The following SETD7 variants were observed in gnomAD, a reference collection of about 807,000 sequenced individuals.
SETD7 encodes histone-lysine N-methyltransferase SETD7.
SETD7 carries 16 observed loss-of-function variants against 41.8 expected under a neutral mutation model. The ratio of observed to expected loss-of-function variants is 0.38; its 90% CI spans 0.26 to 0.58. The LOEUF (loss-of-function observed/expected upper bound fraction) is 0.58, where lower values mean the gene tolerates loss of function less well. SETD7 is among the 20% of genes least tolerant of loss of function. The probability of loss-of-function intolerance (pLI) is 0.64; values close to 1 mark genes in which losing one functional copy is unlikely to be tolerated. For missense variants in SETD7, 346 were observed against 459.7 expected, an observed-to-expected ratio of 0.75 and a Z score of 2.26; for synonymous variants, 163 against 169.7, an observed-to-expected ratio of 0.96 and a Z score of 0.31.
rs34969738 is a variant in SETD7 at position 139,555,182 on chromosome 4, CAAAAAA to C, written c.40+910_40+915del. On this transcript the variant is annotated intron_variant, in intron 1 of 7. Transcript: ENST00000274031. This position sits in a 1 kb window ranked among gnomAD's most constrained non-coding sequence, Gnocchi z 4.0. ...CCCCACATCGTTTTTTCAGAACTAA[CAAAAAA>C]AAAAAAAAAAAGGTGGAGAAACTCA... 0.1 allele frequency among the ~76,000 whole-genome samples: 11,423 copies of C among 110,292 alleles called. 545 individuals carry two copies. The highest frequency in any genetic ancestry group is 0.21 in the South Asian group (734 of 3,484). The allele number at this position is 110,292 out of a possible 152,430, so 72.4% of individuals were successfully genotyped here.
chr4:139,546,783 TGCC>T, intron 2 of SETD7, 134 bp downstream of exon 2: 1 of 1,168,142 alleles, frequency 8.6e-7, no homozygotes, highest in East Asian at 2.5e-5. Flanking sequence ...ACCAAAGCAG[TGCC>T]TACAGGTAGG....
rs1726776135 is a variant in SETD7, at chr4:139,508,663, T to C, written c.*3000A>G. ...TGTTTTTCAGGAGAGCATAAAGTTA[T>C]TTCTTTATTCCCCACCACATGGAAT... On this transcript the variant is annotated 3_prime_UTR_variant, in exon 8 of 8. Coordinates refer to ENST00000274031, the MANE Select transcript of SETD7 (RefSeq NM_030648.4). 1 of 152,214 alleles carries C rather than the reference T, an allele frequency of 6.6e-6. No homozygotes were observed. Among genetic ancestry groups the C allele is most frequent in the African/African-American group, 2.4e-5 (1 of 41,440 alleles). 9.4% of individuals were successfully genotyped at this position (152,214 alleles called of 1,614,324 possible). A position where few individuals can be genotyped will look rare whatever the true frequency, so the allele number is the denominator to read the frequency against.
chr4:139,550,535 T>C (rs1345493112), intron 1 of SETD7, among the ~76,000 whole-genome samples: 2 of 152,212 alleles, frequency 1.3e-5, no homozygotes, highest in African/African-American at 4.8e-5. Flanking sequence ...AGTAGAACTT[T>C]ATGTCTAAAA....
intron 4 of SETD7, among the ~76,000 whole-genome samples, chr4:139,528,600 T>G (rs1407091708): frequency 6.6e-6 from 1 of 152,184 alleles, no homozygotes; most frequent in Non-Finnish European, 1.5e-5. Flanking sequence ...CTTTGACCAG[T>G]GAAAAGTGAG....
chr4:139,521,615 T>G (rs1727182664), intron 5 of SETD7, among the ~76,000 whole-genome samples: 2 of 152,172 alleles, frequency 1.3e-5, no homozygotes. Context: ...ATTATATACA[T>G]CCTGCCACTT....
At chr4:139,544,343 T>C (rs1727871339) in intron 2 of SETD7, among the ~76,000 whole-genome samples, 2 of 138,066 alleles carry the variant, frequency 1.4e-5, no homozygotes, top group African/African-American at 5.4e-5. Context: ...AAAAGAATGG[T>C]GAATTCGTGC....
At chr4:139,513,137 C>T (rs547059135) in intron 7 of SETD7, among the ~76,000 whole-genome samples, 14 of 151,088 alleles carry the variant, frequency 9.3e-5, no homozygotes, top group South Asian at 6.3e-4. Context: ...TGGTGCTTGG[C>T]GGCTGGACAT....
chr4:139,533,467 C>G, intron 2 of SETD7, 101 bp from the exon 3 acceptor site: 1 of 1,001,396 alleles, frequency 1.0e-6, no homozygotes, highest in Non-Finnish European at 1.5e-6. Context: ...GCTGTGTCAG[C>G]CCTGACATGG....
downstream of SETD7, among the ~76,000 whole-genome samples, chr4:139,494,749 T>C (rs2111103786): frequency 6.6e-6 from 1 of 152,376 alleles, no homozygotes; most frequent in Non-Finnish European, 1.5e-5. Context: ...CCTATGGAAT[T>C]CAGGAATTCT....
At chr4:139,551,106 C>T (rs1728097283) in intron 1 of SETD7, among the ~76,000 whole-genome samples, 1 of 152,242 alleles carries the variant, frequency 6.6e-6, no homozygotes, top group African/African-American at 2.4e-5. Context: ...TCACACAGAA[C>T]CACCAGGTTT....
At chr4:139,499,922 A>G (rs529085133) in intron 7 of SETD7, among the ~76,000 whole-genome samples, 3 of 152,280 alleles carry the variant, frequency 2.0e-5, no homozygotes, top group Non-Finnish European at 2.9e-5. Flanking sequence ...AGGTTTTGCT[A>G]GGTTTTCCCA....
At chr4:139,528,907 C>A in intron 4 of SETD7, 124 bp downstream of exon 4, 2 of 836,260 alleles carry the variant, frequency 2.4e-6, no homozygotes, top group East Asian at 5.1e-5. Context: ...TGCAATAAAA[C>A]CTGACTAATA....
rs17050815 is a variant in SETD7 at position 139,540,360 on chromosome 4, C to T, written c.170+6560G>A. ...CTCCAGAACTCCTTTTAACATTTCA[C>T]AACTATGGCTGATGAGTAACTTCAA... On this transcript the variant is annotated intron_variant, in intron 2 of 7. Transcript: ENST00000274031. Among the ~76,000 whole-genome samples the T allele has an allele frequency of 2.7e-3, 412 of 152,276 alleles. 2 individuals carry two copies. The highest frequency in any genetic ancestry group is 7.1e-3 in the African/African-American group (297 of 41,560).
At chr4:139,543,610 G>A (rs1727838650) in intron 2 of SETD7, among the ~76,000 whole-genome samples, 1 of 151,960 alleles carries the variant, frequency 6.6e-6, no homozygotes, top group Non-Finnish European at 1.5e-5. Flanking sequence ...ATTTTTCCTT[G>A]ATTCTATTTA....
intron 4 of SETD7, among the ~76,000 whole-genome samples, chr4:139,523,949 A>G (rs1727248973): frequency 6.6e-6 from 1 of 152,234 alleles, no homozygotes. Context: ...CTATTACGGT[A>G]GTTCAGAAGC....
intron 7 of SETD7, among the ~76,000 whole-genome samples, chr4:139,514,263 T>C (rs1452451669): frequency 6.6e-6 from 1 of 151,086 alleles, no homozygotes; most frequent in African/African-American, 2.5e-5. Context: ...CCAGTTTGGA[T>C]GACAGAGAAC....
intron 3 of SETD7, 68 bp from the exon 4 acceptor site, chr4:139,529,288 T>C: frequency 7.4e-7 from 1 of 1,345,524 alleles, no homozygotes. Context: ...TCCCAAGAAA[T>C]TTCTCTTCTG....
intron 2 of SETD7, among the ~76,000 whole-genome samples, chr4:139,544,310 A>ATAAAATAAAATAAAAT (rs1219846440): frequency 6.6e-6 from 1 of 150,620 alleles, no homozygotes; most frequent in Non-Finnish European, 1.5e-5. Flanking sequence ...ATAAAATAAA[A>ATAAAATAAAATAAAAT]TAAAATAAAA....
chr4:139,539,513 G>C (rs1020374935), intron 2 of SETD7, among the ~76,000 whole-genome samples: 12 of 152,224 alleles, frequency 7.9e-5, no homozygotes, highest in African/African-American at 2.9e-4. Context: ...GTCTATCTTT[G>C]AAGGTTTTCT....
Sources: allele counts gnomAD v4.1 joint callset (sites outside exome capture counted in the v4.1 genomes callset), GRCh38; gene constraint gnomAD v4.1.1; non-coding constraint Gnocchi (gnomAD v3.1); transcripts MANE v1.5; gene names NCBI Gene and HGNC (gene_info 2026-07-23, HGNC 2026-07-21).